PLXDC2: variants seen among roughly 807,000 people sequenced by gnomAD.
PLXDC2 encodes the protein plexin domain-containing protein 2.
A neutral mutation model predicts 68.9 loss-of-function variants in PLXDC2; 40 were observed. The observed-to-expected ratio is 0.58, with a 90% confidence interval of 0.45 to 0.76. The LOEUF is 0.76. Among genes scored for constraint, PLXDC2 ranks in the 30% least tolerant of loss-of-function variants. The probability of loss-of-function intolerance (pLI) is 0.00; values close to 1 mark genes in which losing one functional copy is unlikely to be tolerated. For synonymous variants in PLXDC2, 243 were observed against 234.2 expected (o/e 1.04, Z -0.34); for missense variants, 644 against 661.9 (o/e 0.97, Z 0.30).
chr10:20,251,991 T>C (rs750346656), intron 13 of PLXDC2, among the ~76,000 whole-genome samples: 26 of 151,746 alleles, frequency 1.7e-4, no homozygotes, highest in Non-Finnish European at 3.1e-4. Flanking sequence ...CTGCCATTTA[T>C]GCTGCAAAGC....
At chr10:19,833,081 A>G (rs759759289) in intron 1 of PLXDC2, among the ~76,000 whole-genome samples, 1 of 152,212 alleles carries the variant, frequency 6.6e-6, no homozygotes, top group Non-Finnish European at 1.5e-5. Context: ...GGAAGTTGGA[A>G]GTGGGAAGTT....
intron 4 of PLXDC2, among the ~76,000 whole-genome samples, chr10:20,136,653 A>G (rs914736431): frequency 6.6e-6 from 1 of 152,250 alleles, no homozygotes; most frequent in African/African-American, 2.4e-5. Flanking sequence ...TTTGATTAAT[A>G]TGTAGAGATA....
intron 13 of PLXDC2, among the ~76,000 whole-genome samples, chr10:20,258,932 C>T (rs1398294136): frequency 1.3e-5 from 2 of 149,510 alleles, no homozygotes; most frequent in African/African-American, 2.5e-5. Flanking sequence ...GGCATGAACC[C>T]GGGAGGTGGA....
chr10:20,156,562 G>A (rs2131806653), intron 6 of PLXDC2, among the ~76,000 whole-genome samples: 1 of 152,228 alleles, frequency 6.6e-6, no homozygotes, highest in East Asian at 1.9e-4. Flanking sequence ...ATGTAGAAAG[G>A]AAGTTTGAAA....
At chr10:19,884,407 G>T (rs1837800451) in intron 1 of PLXDC2, among the ~76,000 whole-genome samples, 1 of 151,864 alleles carries the variant, frequency 6.6e-6, no homozygotes, top group African/African-American at 2.4e-5. Context: ...CAATGTGCAG[G>T]TTAGTTACAT....
chr10:20,079,424 A>T (rs1455934232), intron 4 of PLXDC2, among the ~76,000 whole-genome samples: 1 of 152,212 alleles, frequency 6.6e-6, no homozygotes, highest in Non-Finnish European at 1.5e-5. Context: ...AAATTAGTTC[A>T]ACCATTGTGG....
chr10:20,147,341 A>T (rs1288594398), intron 5 of PLXDC2, among the ~76,000 whole-genome samples: 3 of 152,218 alleles, frequency 2.0e-5, no homozygotes, highest in African/African-American at 7.2e-5. Flanking sequence ...GTATAATTTT[A>T]AGTATGGAAA....
chr10:19,902,397 A>G (rs1276624061), intron 1 of PLXDC2, among the ~76,000 whole-genome samples: 1 of 152,102 alleles, frequency 6.6e-6, no homozygotes, highest in Non-Finnish European at 1.5e-5. Context: ...CTCCTTGGTA[A>G]GGTACATTCC....
At chr10:19,864,274 G>A (rs1026538103) in intron 1 of PLXDC2, among the ~76,000 whole-genome samples, 3 of 152,124 alleles carry the variant, frequency 2.0e-5, no homozygotes, top group Non-Finnish European at 2.9e-5. Context: ...CCAAAGAGCT[G>A]GGATTATGAA....
chr10:19,855,768 A>G (rs1837199199), intron 1 of PLXDC2, among the ~76,000 whole-genome samples: 1 of 152,182 alleles, frequency 6.6e-6, no homozygotes, highest in Admixed American at 6.5e-5. Flanking sequence ...TTTAGTGCCT[A>G]CAACAAAGCA....
chr10:20,206,426 G>A (rs887000639), intron 9 of PLXDC2, among the ~76,000 whole-genome samples: 4 of 152,106 alleles, frequency 2.6e-5, no homozygotes, highest in Admixed American at 2.6e-4. Context: ...TTTCTTGGAG[G>A]AGATTGGGGT....
rs1836111670 is a variant in PLXDC2, at chr10:20,283,768, C to T, written c.*3949C>T. On this transcript the variant is annotated 3_prime_UTR_variant, in exon 14 of 14. Coordinates refer to ENST00000377252, the MANE Select transcript of PLXDC2 (RefSeq NM_032812.9). ...GAGGCTTCCATTTAGAAGGCACTAT[C>T]TCAAACATAAATAATTTCATATTTA... is the stretch of plus-strand genomic sequence containing the variant. 1 of 152,166 alleles carries T rather than the reference C, an allele frequency of 6.6e-6. No individual in the cohort carries two copies. Among genetic ancestry groups the T allele is most frequent in the Non-Finnish European group, 1.5e-5 (1 of 68,034 alleles). The allele number at this position is 152,166 out of a possible 1,614,324, so 9.4% of individuals were successfully genotyped here.
At chr10:20,023,875 G>A (rs1046042535) in intron 2 of PLXDC2, among the ~76,000 whole-genome samples, 57 of 152,252 alleles carry the variant, frequency 3.7e-4, no homozygotes, top group Non-Finnish European at 2.9e-5. Flanking sequence ...GGGTAGAAAA[G>A]AGGATTTATT....
chr10:20,159,330 G>C (rs1341582043), intron 6 of PLXDC2, among the ~76,000 whole-genome samples: 1 of 152,070 alleles, frequency 6.6e-6, no homozygotes, highest in Non-Finnish European at 1.5e-5. Context: ...AAGCCTTTGT[G>C]GTATCCTTTA....
intron 1 of PLXDC2, among the ~76,000 whole-genome samples, chr10:19,920,269 C>T (rs1282901239): frequency 6.6e-6 from 1 of 152,062 alleles, no homozygotes; most frequent in Admixed American, 6.5e-5. Context: ...AGGGTGTGGT[C>T]CCTGGCTAGG....
chr10:20,021,196 T>G (rs60661830), intron 2 of PLXDC2, among the ~76,000 whole-genome samples: 2,504 of 151,986 alleles, frequency 0.016, 60 homozygotes, highest in African/African-American at 0.054. Flanking sequence ...ATCCTGTTTT[T>G]TTTGTTTGTT....
At position 20,250,665 on chromosome 10, in the gene PLXDC2, AAG is replaced by A. The variant is rs528991102; in HGVS notation, c.1473+5163_1473+5164del. Among the ~76,000 whole-genome samples the A allele has an allele frequency of 3.9e-5, 6 of 152,286 alleles. No individual in the cohort carries two copies. In the East Asian group the frequency reaches 1.2e-3, roughly 29 times the overall value. On this transcript the variant is annotated intron_variant, in intron 13 of 13. Coordinates refer to ENST00000377252, the MANE Select transcript of PLXDC2 (RefSeq NM_032812.9). ...AGGCTGTGCTGCCTCTGTATGTATA[AAG>A]AGTTTTTCTTCATATGCTGTATGTA...
At chr10:19,976,262 G>A (rs903545127) in intron 1 of PLXDC2, among the ~76,000 whole-genome samples, 3 of 152,074 alleles carry the variant, frequency 2.0e-5, no homozygotes, top group African/African-American at 4.8e-5. Context: ...CACCCAGGCT[G>A]GAGTACAGTG....
chr10:20,037,308 T>C (rs1272407880), intron 2 of PLXDC2, among the ~76,000 whole-genome samples: 1 of 152,140 alleles, frequency 6.6e-6, no homozygotes, highest in African/African-American at 2.4e-5. Flanking sequence ...AAGTTGGCAG[T>C]TCACCTAACT....
Sources: gnomAD v4.1 joint callset for allele counts (sites outside exome capture counted in the v4.1 genomes callset) on GRCh38, gnomAD v4.1.1 for gene constraint, MANE v1.5 for transcripts, NCBI Gene and HGNC (gene_info 2026-07-23, HGNC 2026-07-21) for gene names.